The following SLC2A13 variants were observed in gnomAD, a reference collection of about 807,000 sequenced individuals.
SLC2A13 encodes the protein proton myo-inositol cotransporter.
A neutral mutation model predicts 64.4 loss-of-function variants in SLC2A13; 32 were observed. The ratio of observed to expected loss-of-function variants is 0.50; its 90% CI spans 0.37 to 0.67. SLC2A13 has a LOEUF of 0.67. SLC2A13 is among the 30% of genes least tolerant of loss of function. The pLI, the probability that SLC2A13 is intolerant of heterozygous loss-of-function variation, is 0.00. For missense variants in SLC2A13, 743 were observed against 829.2 expected, an observed-to-expected ratio of 0.90 and a Z score of 1.28; for synonymous variants, 338 against 327.1, an observed-to-expected ratio of 1.03 and a Z score of -0.36.
At chr12:39,938,253 G>A (rs1945951319) in intron 4 of SLC2A13, among the ~76,000 whole-genome samples, 1 of 152,034 alleles carries the variant, frequency 6.6e-6, no homozygotes, top group South Asian at 2.1e-4. Flanking sequence ...AATCACTGAG[G>A]ACCTGAGAAG....
At chr12:39,949,131 T>TTTATGGGCTTATAAGCCACA (rs1946187907) in intron 4 of SLC2A13, among the ~76,000 whole-genome samples, 1 of 152,152 alleles carries the variant, frequency 6.6e-6, no homozygotes, top group Admixed American at 6.5e-5. Context: ...TTACACTAAA[T>TTTATGGGCTTATAAGCCACA]TTTATGGGCT....
intron 6 of SLC2A13, among the ~76,000 whole-genome samples, chr12:39,858,911 T>C (rs1331875474): frequency 6.6e-6 from 1 of 152,208 alleles, no homozygotes; most frequent in Non-Finnish European, 1.5e-5. Context: ...CGACCGTTTT[T>C]ACACATTTCT....
At position 40,021,858 on chromosome 12, in the gene SLC2A13, T is replaced by C. The variant is rs377021476; in HGVS notation, c.925+6443A>G. On this transcript the variant is annotated intron_variant, in intron 3 of 9. Coordinates refer to ENST00000280871, the MANE Select transcript of SLC2A13 (RefSeq NM_052885.4). Reference sequence around the variant, plus strand: ...TGACTGCAGTGTCATTATGCTGAAATTGGATTTCTAAAGAAACATACAGAA... The same window carrying C: ...TGACTGCAGTGTCATTATGCTGAAACTGGATTTCTAAAGAAACATACAGAA... Among the ~76,000 whole-genome samples the C allele has an allele frequency of 1.3e-3, 205 of 152,292 alleles. 9 individuals are homozygous for C. The South Asian group carries it at 0.041, about 31-fold the overall frequency.
At chr12:40,040,004 C>T (rs1204871073) in intron 2 of SLC2A13, among the ~76,000 whole-genome samples, 2 of 152,194 alleles carry the variant, frequency 1.3e-5, no homozygotes, top group Admixed American at 6.5e-5. Flanking sequence ...TGGTCATCTT[C>T]AGGGGAATTA....
At chr12:39,975,509 T>C (rs1301078914) in intron 3 of SLC2A13, among the ~76,000 whole-genome samples, 15 of 152,238 alleles carry the variant, frequency 9.9e-5, no homozygotes, top group Admixed American at 9.8e-4. Flanking sequence ...TAAAAGGTAG[T>C]AGACATTTTC....
chr12:39,959,043 G>A (rs1946364387), intron 3 of SLC2A13, among the ~76,000 whole-genome samples: 1 of 152,082 alleles, frequency 6.6e-6, no homozygotes, highest in Non-Finnish European at 1.5e-5. Flanking sequence ...AGGAATAAAA[G>A]AAGGAAAGAA....
intron 7 of SLC2A13, among the ~76,000 whole-genome samples, chr12:39,808,329 ATTTG>A (rs1161569322): frequency 6.6e-6 from 1 of 151,682 alleles, no homozygotes; most frequent in Non-Finnish European, 1.5e-5. Flanking sequence ...GTGTATCATA[ATTTG>A]TTTATCCACT....
chr12:39,767,108 A>G (rs2135717257), intron 7 of SLC2A13, among the ~76,000 whole-genome samples: 1 of 152,204 alleles, frequency 6.6e-6, no homozygotes, highest in East Asian at 1.9e-4. Flanking sequence ...ATCACTATCT[A>G]TGGCAGCTAT....
At chr12:39,802,986 C>CA (rs1315351388) in intron 7 of SLC2A13, among the ~76,000 whole-genome samples, 1 of 152,124 alleles carries the variant, frequency 6.6e-6, no homozygotes, top group Admixed American at 6.6e-5. Flanking sequence ...AAAGAGGCCT[C>CA]ACTAGAGGTA....
intron 5 of SLC2A13, among the ~76,000 whole-genome samples, chr12:39,866,503 C>T (rs1019973065): frequency 4.0e-5 from 6 of 151,644 alleles, no homozygotes; most frequent in Non-Finnish European, 7.4e-5. Context: ...TTTTTTGAGA[C>T]GGAGTCTCGC....
chr12:40,101,425 A>G (rs1011790885), intron 1 of SLC2A13, among the ~76,000 whole-genome samples: 2 of 152,180 alleles, frequency 1.3e-5, no homozygotes, highest in Non-Finnish European at 2.9e-5. Flanking sequence ...GACTCCTTCC[A>G]TATCAGTAAT....
At chr12:39,936,821 A>G (rs1945925560) in intron 4 of SLC2A13, among the ~76,000 whole-genome samples, 1 of 152,204 alleles carries the variant, frequency 6.6e-6, no homozygotes. Flanking sequence ...AGTTTTAGGC[A>G]TACTGAGACT....
At chr12:40,064,012 A>G (rs929812888) in intron 1 of SLC2A13, among the ~76,000 whole-genome samples, 1 of 152,058 alleles carries the variant, frequency 6.6e-6, no homozygotes, top group Admixed American at 6.6e-5. Context: ...AGAGGCCAAG[A>G]TGAGAGGATC....
Position 40,070,813 on chromosome 12 carries a change from A to C in SLC2A13, c.557-22603T>G, listed in dbSNP as rs17489410. 7.6e-3 allele frequency among the ~76,000 whole-genome samples: 1,152 copies of C among 152,212 alleles called. 14 individuals carry two copies. Among genetic ancestry groups the C allele is most frequent in the African/African-American group, 0.026 (1,090 of 41,528 alleles). ...AAATTTTTTATTGCAGCATTTTCTTATTCCTAACCACATAAAATAATAAAC... is the reference window on the plus strand; with the variant it reads ...AAATTTTTTATTGCAGCATTTTCTTCTTCCTAACCACATAAAATAATAAAC... On this transcript the variant is annotated intron_variant, in intron 1 of 9. Transcript: ENST00000280871.
chr12:39,783,074 A>G (rs1455984985), intron 7 of SLC2A13, among the ~76,000 whole-genome samples: 1 of 152,040 alleles, frequency 6.6e-6, no homozygotes, highest in Non-Finnish European at 1.5e-5. Flanking sequence ...CCTGTGTCCA[A>G]CTGTTCTCAT....
At chr12:40,050,064 G>C (rs1469573309) in intron 1 of SLC2A13, among the ~76,000 whole-genome samples, 2 of 152,082 alleles carry the variant, frequency 1.3e-5, no homozygotes, top group African/African-American at 4.8e-5. Flanking sequence ...TAATAACACA[G>C]ACCACCCTGA....
intron 1 of SLC2A13, among the ~76,000 whole-genome samples, chr12:40,103,432 G>A (rs1939207891): frequency 6.6e-6 from 1 of 152,064 alleles, no homozygotes; most frequent in Non-Finnish European, 1.5e-5. Flanking sequence ...CAAGTTCTAC[G>A]TTGCTTTTGC....
chr12:40,104,353 A>T (rs1939233812), intron 1 of SLC2A13, among the ~76,000 whole-genome samples: 1 of 152,174 alleles, frequency 6.6e-6, no homozygotes, highest in African/African-American at 2.4e-5. Flanking sequence ...TCTGCCAAAA[A>T]CTTGCCAATT....
chr12:40,104,708 G>A (rs1736422316), intron 1 of SLC2A13, among the ~76,000 whole-genome samples: 1 of 152,194 alleles, frequency 6.6e-6, no homozygotes, highest in Non-Finnish European at 1.5e-5. Context: ...AAAGACAAAT[G>A]CTAGATAAGC....
Sources: allele counts gnomAD v4.1 joint callset (sites outside exome capture counted in the v4.1 genomes callset), GRCh38; gene constraint gnomAD v4.1.1; transcripts MANE v1.5; gene names NCBI Gene and HGNC (gene_info 2026-07-23, HGNC 2026-07-21).